Variants in MRGPRF observed in about 807,000 individuals in gnomAD.
The protein encoded by MRGPRF is mas-related G protein-coupled receptor member F.
In MRGPRF, 2 loss-of-function variants were observed where a neutral mutation model predicts 3.3. The ratio of observed to expected loss-of-function variants is 0.61; its 90% CI spans 0.25 to 1.92. The LOEUF (loss-of-function observed/expected upper bound fraction) is 1.92, where lower values mean the gene tolerates loss of function less well. Ranked by LOEUF, MRGPRF falls within the 40% of genes most tolerant of loss-of-function variation. The pLI, the probability that MRGPRF is intolerant of heterozygous loss-of-function variation, is 0.16. For synonymous variants in MRGPRF, 242 were observed against 222.7 expected, an observed-to-expected ratio of 1.09 and a Z score of -0.77; for missense variants, 500 against 476.0, an observed-to-expected ratio of 1.05 and a Z score of -0.47.
chr11:69,007,320 G>A (rs1860510119), intron 2 of MRGPRF, among the ~76,000 whole-genome samples: 1 of 152,166 alleles, frequency 6.6e-6, no homozygotes, highest in African/African-American at 2.4e-5. Context: ...CAATTCTCCT[G>A]CCTCAGGCTC....
At chr11:69,009,769 TG>T in intron 2 of MRGPRF, 84 bp downstream of exon 2, 1 of 1,351,418 alleles carries the variant, frequency 7.4e-7, no homozygotes, top group Non-Finnish European at 1.0e-6. Context: ...AAGGGGGGGA[TG>T]GGGGAGGAGA....
At position 69,004,427 on chromosome 11, in the gene MRGPRF, A is replaced by G. The variant is rs1043747035; in HGVS notation, c.*851T>C. 2.0e-5 allele frequency: 3 copies of G among 152,276 alleles called. No individual in the cohort carries two copies. Among genetic ancestry groups the G allele is most frequent in the Non-Finnish European group, 4.4e-5 (3 of 68,064 alleles). The allele number at this position is 152,276 out of a possible 1,614,324, so 9.4% of individuals were successfully genotyped here. On this transcript the variant is annotated 3_prime_UTR_variant, in exon 3 of 3. Transcript: ENST00000309099. ...AGTTATAAAATGTTTATTGATATACATTTTGTCTTTTATAAAACTTCCGTT... is the reference window on the plus strand; with the variant it reads ...AGTTATAAAATGTTTATTGATATACGTTTTGTCTTTTATAAAACTTCCGTT...
rs1288243408 is a variant in MRGPRF, at chr11:69,005,618, C to T, written c.692G>A (p.Arg231His). The change falls in exon 3 of 3, where the codon CGC (arginine) becomes CAC (histidine). Residue 231 changes from arginine (R) to histidine (H), a missense_variant. Transcript: ENST00000309099. Reference sequence around the variant, plus strand: ...GTGGTTGAGCTTGGCAGAGCGCTGGCGCCGTCGGGCCCGGCACTCCACGTG... The same window carrying T: ...GTGGTTGAGCTTGGCAGAGCGCTGGTGCCGTCGGGCCCGGCACTCCACGTG... ...ILHVECRARRRQRSAKLNHVI... is the reference protein window; with the variant it reads ...ILHVECRARRHQRSAKLNHVI... 6.4e-6 allele frequency: 10 copies of T among 1,561,528 alleles called. No homozygotes were observed. The highest frequency in any genetic ancestry group is 2.4e-5 in the East Asian group (1 of 41,478).
intron 2 of MRGPRF, among the ~76,000 whole-genome samples, 153 bp from the exon 3 acceptor site, chr11:69,006,414 T>A (rs1388658050): frequency 6.6e-6 from 1 of 151,996 alleles, no homozygotes; most frequent in African/African-American, 2.4e-5. Flanking sequence ...AGCAGCTAAC[T>A]GGCTGCAACT....
In MRGPRF at chr11:69,005,865, C is replaced by G. The variant is rs901781406; in HGVS notation, c.445G>C (p.Ala149Pro). The change falls in exon 3 of 3, where the codon GCC becomes CCC. Residue 149 changes from alanine to proline, a missense_variant. Transcript: ENST00000309099. ...TTGGGCCGCCGGCGCCAGTACCAGGCGGGGAAGATGACCGAGGCGCAGCGC... is the reference window on the plus strand; with the variant it reads ...TTGGGCCGCCGGCGCCAGTACCAGGGGGGGAAGATGACCGAGGCGCAGCGC... ...AERCASVIFP[A>P]WYWRRRPKRL... The G allele has an allele frequency of 1.5e-5, 24 of 1,556,610 alleles. No individual in the cohort carries two copies. Among genetic ancestry groups the G allele is most frequent in the Non-Finnish European group, 2.1e-5 (24 of 1,153,138 alleles).
At position 69,005,361 on chromosome 11, in the gene MRGPRF, C is replaced by T. The variant is rs756421559; in HGVS notation, c.949G>A (p.Gly317Ser). 5.7e-6 allele frequency: 9 copies of T among 1,569,016 alleles called. No individual in the cohort carries two copies. The South Asian group carries it at 7.0e-5, about 12-fold the overall frequency. Residue 317 changes from glycine (G) to serine (S), a missense_variant, in exon 3 of 3, where the codon GGC becomes AGC. Physicochemically the swap from Gly to Ser is moderately conservative, Grantham distance 56. Transcript: ENST00000309099. ...RVVFQRALRD[G>S]AELGEAGGST... ...CCCCCGGCCTCCCCCAGCTCAGCGCCGTCCCGCAGGGCCCGCTGGAAGACC... is the reference window on the plus strand; with the variant it reads ...CCCCCGGCCTCCCCCAGCTCAGCGCTGTCCCGCAGGGCCCGCTGGAAGACC...
chr11:69,005,462 T>C lies in MRGPRF; in HGVS notation c.848A>G (p.Asn283Ser). ...GTAGACGATGGGCTTGGCGCTGCTGTTGATGCAGATGCACAGGTCAGTGAC... is the reference window on the plus strand; with the variant it reads ...GTAGACGATGGGCTTGGCGCTGCTGCTGATGCAGATGCACAGGTCAGTGAC... ...EYVTDLCICI[N>S]SSAKPIVYFL... The change falls in exon 3 of 3, where the codon AAC (asparagine) becomes AGC (serine). Residue 283 changes from asparagine to serine, a missense_variant. Physicochemically the swap from Asn to Ser is conservative, Grantham distance 46. Transcript: ENST00000309099. 2 of 1,588,186 alleles carry C rather than the reference T, an allele frequency of 1.3e-6. No individual in the cohort carries two copies. Among genetic ancestry groups the C allele is most frequent in the Admixed American group, 1.8e-5 (1 of 56,296 alleles).
rs1433543159 is a variant in MRGPRF, at chr11:69,006,007, G to A, written c.303C>T (p.Ile101=). 2 of 1,569,038 alleles carry A rather than the reference G, an allele frequency of 1.3e-6. No homozygotes were observed. The highest frequency in any genetic ancestry group is 2.4e-5 in the East Asian group (1 of 42,474). The change falls in exon 3 of 3, where the codon ATC becomes ATT. Residue 101 remains isoleucine (I), a synonymous_variant. Transcript: ENST00000309099. ...TGCCCAGGAAGCCCCCCGTGTTCAG[G>A]ATGGAGAACACCGCCTTGCTGAAGA... is the stretch of plus-strand genomic sequence containing the variant. The part of the protein sequence containing the change: ...GYLFSKAVFS[I]LNTGGFLGTF...
intron 2 of MRGPRF, among the ~76,000 whole-genome samples, chr11:69,007,619 C>T (rs374025824): frequency 2.0e-5 from 3 of 152,324 alleles, no homozygotes; most frequent in African/African-American, 7.2e-5. Context: ...GAGGTATTGG[C>T]GGGCATTGTA....
chr11:69,006,200 T>G lies in MRGPRF; in HGVS notation c.110A>C (p.Gln37Pro), dbSNP rs755255568. Residue 37 changes from glutamine (Q) to proline (P), a missense_variant, in exon 3 of 3, where the codon CAG becomes CCG. Physicochemically the swap from Gln to Pro is moderately conservative, Grantham distance 76. Coordinates refer to ENST00000309099, the MANE Select transcript of MRGPRF (RefSeq NM_145015.5). The stretch of plus-strand genomic sequence containing the variant: ...GGCCGGAGGCGGCAGCATCGCGATC[T>G]GCTCGATGGTCAGGAAGCCCCGGCT... ...LYSRGFLTIE[Q>P]IAMLPPPAVM... 3.2e-5 allele frequency: 52 copies of G among 1,613,676 alleles called. No individual in the cohort carries two copies. Among genetic ancestry groups the G allele is most frequent in the Non-Finnish European group, 4.2e-5 (50 of 1,180,040 alleles).
At chr11:69,006,309 C>T (rs757518934) in intron 2 of MRGPRF, 48 bp from the exon 3 acceptor site, 3 of 1,543,130 alleles carry the variant, frequency 1.9e-6, no homozygotes, top group East Asian at 2.3e-5. Context: ...TGGCCCCCAC[C>T]CACAGACCTG....
Position 69,005,149 on chromosome 11 carries a change from G to T in MRGPRF, c.*129C>A. 4.9e-6 allele frequency: 6 copies of T among 1,230,012 alleles called. No homozygotes were observed. Among genetic ancestry groups the T allele is most frequent in the Non-Finnish European group, 6.5e-6 (6 of 918,818 alleles). The allele number at this position is 1,230,012 out of a possible 1,614,324, so 76.2% of individuals were successfully genotyped here. On this transcript the variant is annotated 3_prime_UTR_variant, in exon 3 of 3. Coordinates refer to ENST00000309099, the MANE Select transcript of MRGPRF (RefSeq NM_145015.5). ...CCTGGAGTCCCCAGCCCAGGGAGAA[G>T]GAGGCCCGAGGAGAGGAAACAGATC...
At chr11:69,011,263 C>T (rs796115087) in intron 1 of MRGPRF, among the ~76,000 whole-genome samples, 2 of 152,300 alleles carry the variant, frequency 1.3e-5, no homozygotes, top group South Asian at 2.1e-4. Flanking sequence ...CCCTGGGCCT[C>T]CCGGAGCTGG....
chr11:69,005,506 C>G lies in MRGPRF; in HGVS notation c.804G>C (p.Pro268=). The change falls in exon 3 of 3, where the codon CCG becomes CCC. Residue 268 remains proline, a synonymous_variant. Coordinates refer to ENST00000309099, the MANE Select transcript of MRGPRF (RefSeq NM_145015.5). ...CAGTGACGTACTCGGGGAAGGGGGC[C>G]GGGATCTGGAAGACCCAGAAGAGGA... ...DWFLFWVFQI[P]APFPEYVTDL... The G allele has an allele frequency of 6.3e-7, 1 of 1,579,706 alleles. No individual in the cohort carries two copies. Among genetic ancestry groups the G allele is most frequent in the African/African-American group, 1.3e-5 (1 of 74,262 alleles).
intron 2 of MRGPRF, among the ~76,000 whole-genome samples, chr11:69,008,766 A>G (rs1860535706): frequency 6.6e-6 from 1 of 152,196 alleles, no homozygotes; most frequent in Non-Finnish European, 1.5e-5. Context: ...CTGGTGCCCA[A>G]ACAGGCCCAA....
intron 2 of MRGPRF, among the ~76,000 whole-genome samples, chr11:69,008,885 T>C (rs913030132): frequency 6.6e-6 from 1 of 152,098 alleles, no homozygotes; most frequent in Non-Finnish European, 1.5e-5. Context: ...AAGTCTGCAA[T>C]CCCCTCCTTG....
At chr11:69,010,644 G>T (rs1860575049) in intron 1 of MRGPRF, among the ~76,000 whole-genome samples, 1 of 152,166 alleles carries the variant, frequency 6.6e-6, no homozygotes, top group African/African-American at 2.4e-5. Context: ...CTGCCCAAAG[G>T]CACACCCATA....
rs1349720136 is a variant in MRGPRF at position 69,005,321 on chromosome 11, G to A, written c.989C>T (p.Thr330Ile). The A allele has an allele frequency of 4.5e-6, 7 of 1,549,518 alleles. No homozygotes were observed. Among genetic ancestry groups the A allele is most frequent in the Non-Finnish European group, 6.1e-6 (7 of 1,151,030 alleles). Residue 330 changes from threonine to isoleucine, a missense_variant, in exon 3 of 3, where the codon ACA becomes ATA. Transcript: ENST00000309099. ...GGGACACTGCATCTCCATGGTGACTGTGTTGGGCGTGCTGCCCCCGGCCTC... is the reference window on the plus strand; with the variant it reads ...GGGACACTGCATCTCCATGGTGACTATGTTGGGCGTGCTGCCCCCGGCCTC... ...LGEAGGSTPN[T>I]VTMEMQCPPG... is the part of the protein sequence containing the mutation.
Position 69,005,308 on chromosome 11 carries a change from C to T in MRGPRF, c.1002G>A (p.Glu334=), listed in dbSNP as rs778254527. The part of the protein sequence containing the change: ...GGSTPNTVTM[E]MQCPPGNAS ...AGGCGTTCCCCGGGGGACACTGCAT[C>T]TCCATGGTGACTGTGTTGGGCGTGC... Residue 334 remains glutamate (E), a synonymous_variant, in exon 3 of 3, where the codon GAG becomes GAA. Transcript: ENST00000309099. 21 of 1,534,396 alleles carry T rather than the reference C, an allele frequency of 1.4e-5. No individual in the cohort carries two copies. The highest frequency in any genetic ancestry group is 3.5e-4 in the Middle Eastern group (2 of 5,746).
Sources: gnomAD v4.1 joint callset for allele counts (sites outside exome capture counted in the v4.1 genomes callset) on GRCh38, gnomAD v4.1.1 for gene constraint, MANE v1.5 for transcripts, NCBI Gene and HGNC (gene_info 2026-07-23, HGNC 2026-07-21) for gene names.